SOCS7: variants seen among roughly 807,000 people sequenced by gnomAD.
SOCS7 encodes the protein NAP-4.
SOCS7 carries 18 observed loss-of-function variants against 58.9 expected under a neutral mutation model. The ratio of observed to expected loss-of-function variants is 0.31; its 90% CI spans 0.21 to 0.45. SOCS7 has a LOEUF of 0.45. Among genes scored for constraint, SOCS7 ranks in the 20% least tolerant of loss-of-function variants. SOCS7 has a pLI of 1.00. For missense variants in SOCS7, 667 were observed against 837.3 expected (o/e 0.80, Z 2.51); for synonymous variants, 388 against 364.3 (o/e 1.06, Z -0.74).
At chr17:38,387,133 G>GTGTATATA (rs1269515665) in intron 7 of SOCS7, among the ~76,000 whole-genome samples, 1 of 73,492 alleles carries the variant, frequency 1.4e-5, no homozygotes, top group African/African-American at 7.0e-5. Flanking sequence ...ATATATGTAT[G>GTGTATATA]TATATATATA....
At chr17:38,367,329 T>C (rs41402750) in intron 5 of SOCS7, among the ~76,000 whole-genome samples, 7,061 of 151,962 alleles carry the variant, frequency 0.046, 195 homozygotes, top group Middle Eastern at 0.21. Flanking sequence ...CCTCCCAAAG[T>C]GCTGGGATTA....
chr17:38,361,241 A>G (rs1439248421), intron 1 of SOCS7, among the ~76,000 whole-genome samples: 1 of 152,282 alleles, frequency 6.6e-6, no homozygotes, highest in Non-Finnish European at 1.5e-5. Flanking sequence ...TGCATCCTGC[A>G]GTGCTATTCT....
chr17:38,395,206 A>AT, intron 7 of SOCS7, 103 bp from the exon 8 acceptor site: 1 of 1,225,086 alleles, frequency 8.2e-7, no homozygotes, highest in Non-Finnish European at 1.2e-6. Context: ...TATATGAACC[A>AT]TAAAGAAGTC....
intron 5 of SOCS7, 50 bp downstream of exon 5, chr17:38,366,467 A>G: frequency 1.2e-6 from 2 of 1,603,378 alleles, no homozygotes; most frequent in Non-Finnish European, 1.7e-6. Flanking sequence ...CATTAGCTAA[A>G]TTCTGTATTC....
chr17:38,380,641 AAAT>A (rs948027167), intron 7 of SOCS7, among the ~76,000 whole-genome samples: 2 of 151,352 alleles, frequency 1.3e-5, no homozygotes, highest in Admixed American at 1.3e-4. Flanking sequence ...AAAAAAAAAA[AAAT>A]AATAATAATA....
chr17:38,361,181 T>A (rs1555567514), intron 1 of SOCS7, among the ~76,000 whole-genome samples: 1 of 152,248 alleles, frequency 6.6e-6, no homozygotes, highest in Non-Finnish European at 1.5e-5. Context: ...GACCCATGCC[T>A]TGGGGCAATT....
At chr17:38,397,525 A>G (rs188201293) in intron 9 of SOCS7, among the ~76,000 whole-genome samples, 190 of 152,320 alleles carry the variant, frequency 1.2e-3, no homozygotes, top group African/African-American at 4.4e-3. Flanking sequence ...CAGCAAAAAG[A>G]GACATGGATA....
intron 6 of SOCS7, 98 bp downstream of exon 6, chr17:38,368,148 C>T: frequency 9.3e-7 from 1 of 1,072,512 alleles, no homozygotes; most frequent in South Asian, 1.7e-5. Flanking sequence ...AATGGAACTA[C>T]AAATAGGGGA....
At chr17:38,396,668 T>C (rs1423020024) in intron 9 of SOCS7, among the ~76,000 whole-genome samples, 1 of 152,226 alleles carries the variant, frequency 6.6e-6, no homozygotes, top group Admixed American at 6.5e-5. Context: ...TACTGGTTTG[T>C]GCAGATGAAT....
chr17:38,355,295 T>C (rs587657127), intron 1 of SOCS7, among the ~76,000 whole-genome samples: 1 of 152,294 alleles, frequency 6.6e-6, no homozygotes, highest in African/African-American at 2.4e-5. Context: ...TAAGAGTAGA[T>C]TGTTGAGAAG....
At chr17:38,374,409 G>A (rs964877356) in intron 6 of SOCS7, among the ~76,000 whole-genome samples, 18 of 151,680 alleles carry the variant, frequency 1.2e-4, no homozygotes, top group African/African-American at 3.9e-4. Context: ...ACTGTCATGC[G>A]TACCTGTAGT....
At chr17:38,369,504 AAC>A (rs895846396) in intron 6 of SOCS7, among the ~76,000 whole-genome samples, 2 of 152,202 alleles carry the variant, frequency 1.3e-5, no homozygotes, top group Non-Finnish European at 2.9e-5. Flanking sequence ...TGAAAACAAA[AAC>A]ACACAAGGAA....
chr17:38,362,340 G>A (rs587739205), intron 2 of SOCS7, among the ~76,000 whole-genome samples: 1 of 152,324 alleles, frequency 6.6e-6, no homozygotes, highest in East Asian at 1.9e-4. Context: ...AACTAGGAAG[G>A]CTGTAGAATC....
chr17:38,400,477 G>C lies in SOCS7; in HGVS notation c.*995G>C, dbSNP rs967388651. On this transcript the variant is annotated 3_prime_UTR_variant, in exon 10 of 10. Coordinates refer to ENST00000612932, the MANE Select transcript of SOCS7 (RefSeq NM_014598.4). ...GAGTGAGTGTTACTTCCATGTGCCT[G>C]TCAGCTTGTGAGGGGGAATGTGGAG... is the stretch of plus-strand genomic sequence containing the variant. The C allele has an allele frequency of 2.0e-5, 3 of 152,212 alleles. No individual in the cohort carries two copies. Among genetic ancestry groups the C allele is most frequent in the African/African-American group, 2.4e-5 (1 of 41,440 alleles). 9.4% of individuals were successfully genotyped at this position (152,212 alleles called of 1,614,324 possible). A position where few individuals can be genotyped will look rare whatever the true frequency, so the allele number is the denominator to read the frequency against.
intron 6 of SOCS7, among the ~76,000 whole-genome samples, chr17:38,370,650 A>C (rs1157438936): frequency 6.7e-6 from 1 of 149,332 alleles, no homozygotes; most frequent in African/African-American, 2.5e-5. Flanking sequence ...CTATAACCGG[A>C]ATTTTTTTTT....
intron 6 of SOCS7, among the ~76,000 whole-genome samples, chr17:38,370,369 T>A (rs1412927306): frequency 1.3e-5 from 2 of 152,174 alleles, no homozygotes; most frequent in Non-Finnish European, 2.9e-5. Flanking sequence ...AGACGGGGTC[T>A]CACCCTGCTG....
intron 7 of SOCS7, among the ~76,000 whole-genome samples, chr17:38,379,642 A>C (rs1320479256): frequency 6.6e-6 from 1 of 152,170 alleles, no homozygotes; most frequent in Admixed American, 6.6e-5. Flanking sequence ...GCCAGGTGAC[A>C]GGAATGTTTC....
intron 1 of SOCS7, among the ~76,000 whole-genome samples, chr17:38,354,419 T>A (rs181631592): frequency 7.8e-4 from 119 of 152,360 alleles, no homozygotes; most frequent in Admixed American, 7.8e-3. Context: ...ACTTCTGTTT[T>A]CAAGGGAACT....
chr17:38,405,343 T>C lies in SOCS7; in HGVS notation c.*5861T>C, dbSNP rs1011624870. 4.6e-5 allele frequency: 7 copies of C among 152,102 alleles called. No homozygotes were observed. Among genetic ancestry groups the C allele is most frequent in the African/African-American group, 1.7e-4 (7 of 41,402 alleles). 9.4% of individuals were successfully genotyped at this position (152,102 alleles called of 1,614,324 possible). ...GGGGGTGGGGTTAGGGATGTCCCTG[T>C]AGATTAGTTCCAGAATGGGGTGTCT... On this transcript the variant is annotated 3_prime_UTR_variant, in exon 10 of 10. Transcript: ENST00000612932.
Sources: gnomAD v4.1 joint callset for allele counts (sites outside exome capture counted in the v4.1 genomes callset) on GRCh38, gnomAD v4.1.1 for gene constraint, MANE v1.5 for transcripts, NCBI Gene and HGNC (gene_info 2026-07-23, HGNC 2026-07-21) for gene names.